The following BPHL variants were observed in gnomAD, a reference collection of about 807,000 sequenced individuals.
The protein encoded by BPHL is biphenyl hydrolase like, also known as serine hydrolase BPHL.
Under a neutral mutation model 31.2 loss-of-function variants are expected in BPHL, and 27 were observed. That is an observed-to-expected ratio of 0.87 (90% CI 0.64 to 1.19). The LOEUF (loss-of-function observed/expected upper bound fraction) is 1.19, where lower values mean the gene tolerates loss of function less well. Among genes scored for constraint, BPHL ranks in the 50% most tolerant of loss-of-function variants. The pLI is 0.00. For missense variants in BPHL, 356 were observed against 375.7 expected (o/e 0.95, Z 0.43); for synonymous variants, 150 against 146.8 (o/e 1.02, Z -0.16).
At chr6:3,131,053 C>T (rs1412952123) in intron 4 of BPHL, among the ~76,000 whole-genome samples, 1 of 152,178 alleles carries the variant, frequency 6.6e-6, no homozygotes, top group Non-Finnish European at 1.5e-5. Context: ...ATTCTCTCCA[C>T]TGGGTCAGTC....
intron 1 of BPHL, among the ~76,000 whole-genome samples, chr6:3,120,328 C>T (rs1032299181): frequency 2.6e-5 from 4 of 152,134 alleles, no homozygotes; most frequent in African/African-American, 9.7e-5. Flanking sequence ...AGCCACCGCT[C>T]TCGGCCTACC....
At chr6:3,121,532 T>C (rs1025850340) in intron 1 of BPHL, among the ~76,000 whole-genome samples, 1 of 152,050 alleles carries the variant, frequency 6.6e-6, no homozygotes, top group African/African-American at 2.4e-5. Flanking sequence ...CTTGATCTCC[T>C]GACCTCGTGA....
chr6:3,123,933 C>G, intron 2 of BPHL, 173 bp downstream of exon 2: 1 of 507,476 alleles, frequency 2.0e-6, no homozygotes, highest in Non-Finnish European at 3.4e-6. Context: ...TACTGCTGTT[C>G]AGAATTGGAT....
intron 4 of BPHL, among the ~76,000 whole-genome samples, chr6:3,130,141 G>A (rs1761833875): frequency 6.6e-6 from 1 of 152,180 alleles, no homozygotes; most frequent in East Asian, 1.9e-4. Context: ...AGGGGCCAGT[G>A]AACTTCAGCC....
intron 6 of BPHL, among the ~76,000 whole-genome samples, chr6:3,147,775 G>A (rs1257953846): frequency 2.6e-5 from 4 of 152,220 alleles, no homozygotes; most frequent in Non-Finnish European, 2.9e-5. Flanking sequence ...CTAAAGGTGT[G>A]ATTCCAGTCT....
At chr6:3,129,244 T>G (rs771596856) in intron 4 of BPHL, 46 bp downstream of exon 4, 4 of 1,496,054 alleles carry the variant, frequency 2.7e-6, no homozygotes, top group Non-Finnish European at 3.6e-6. Flanking sequence ...ATCCTTCCCC[T>G]CTCTCCGCAT....
intron 4 of BPHL, among the ~76,000 whole-genome samples, chr6:3,135,239 C>T (rs1230187441): frequency 1.3e-5 from 2 of 152,214 alleles, no homozygotes; most frequent in Non-Finnish European, 2.9e-5. Context: ...TTTTTACCAA[C>T]AAGTGTCTTT....
intron 3 of BPHL, among the ~76,000 whole-genome samples, chr6:3,127,735 C>A (rs1337318830): frequency 6.6e-6 from 1 of 152,096 alleles, no homozygotes; most frequent in Non-Finnish European, 1.5e-5. Flanking sequence ...AAATAACTTT[C>A]ATGTCAATAA....
At chr6:3,146,742 C>T (rs145318183) in intron 6 of BPHL, among the ~76,000 whole-genome samples, 6,458 of 114,662 alleles carry the variant, frequency 0.056, 632 homozygotes, top group African/African-American at 0.21. Context: ...TGGTTTGGGT[C>T]GGAGTGCTGG....
chr6:3,119,549 C>A (rs371854927), intron 1 of BPHL: 2 of 1,612,498 alleles, frequency 1.2e-6, no homozygotes, highest in Non-Finnish European at 1.7e-6. Flanking sequence ...TAATTTCTGA[C>A]CTTCTGTCTT....
intron 6 of BPHL, among the ~76,000 whole-genome samples, chr6:3,145,540 CGGTTGGAGTGCTGGTGTG>C (rs1561800109): frequency 8.7e-5 from 1 of 11,524 alleles, no homozygotes. Flanking sequence ...GTGCTGGTTC[CGGTTGGAGTGCTGGTGTG>C]GGTTGGAGTG....
In BPHL at chr6:3,153,218, A is replaced by C. The variant is rs9503411; in HGVS notation, c.*643A>C. 0.084 allele frequency: 12,917 copies of C among 153,648 alleles called. 784 individuals carry two copies. The highest frequency in any genetic ancestry group is 0.17 in the African/African-American group (6,888 of 41,506). The allele number at this position is 153,648 out of a possible 1,614,324, so 9.5% of individuals were successfully genotyped here. On this transcript the variant is annotated 3_prime_UTR_variant, in exon 7 of 7. Transcript: ENST00000380379. ...GGAGAATGTGTAGTGTTAATGTTGG[A>C]GATTTTAAGACATCTTGAATTTGTA... is the stretch of plus-strand genomic sequence containing the variant.
At chr6:3,138,184 ATT>A (rs11307799) in intron 5 of BPHL, 1 of 346,528 alleles carries the variant, frequency 2.9e-6, no homozygotes, top group Admixed American at 4.3e-5. Flanking sequence ...ACACAGGCAC[ATT>A]TTTTTTGTAT....
At chr6:3,126,117 T>C (rs903782793) in intron 2 of BPHL, among the ~76,000 whole-genome samples, 1 of 152,232 alleles carries the variant, frequency 6.6e-6, no homozygotes, top group Non-Finnish European at 1.5e-5. Context: ...TGTTTCATAC[T>C]GTTCTGATGA....
Position 3,152,562 on chromosome 6 carries a change from A to T in BPHL, c.863A>T (p.Asp288Val). ...GATGAATTCAACAAGTTAGCAGAAG[A>T]CTTCCTACAATGAGAATGCACACTC... ...FADEFNKLAE[D>V]FLQ The change falls in exon 7 of 7, where the codon GAC becomes GTC. Residue 288 changes from aspartate to valine, a missense_variant. Transcript: ENST00000380379. 1 of 1,612,806 alleles carries T rather than the reference A, an allele frequency of 6.2e-7. No individual in the cohort carries two copies. Among genetic ancestry groups the T allele is most frequent in the Admixed American group, 1.7e-5 (1 of 59,838 alleles).
intron 4 of BPHL, among the ~76,000 whole-genome samples, chr6:3,133,744 G>A (rs115501559): frequency 0.014 from 2,084 of 152,272 alleles, 44 homozygotes; most frequent in African/African-American, 0.047. Flanking sequence ...CGTGTCCACT[G>A]CCCGTGTGAG....
chr6:3,122,032 C>T (rs1205196702), intron 1 of BPHL, among the ~76,000 whole-genome samples: 1 of 152,142 alleles, frequency 6.6e-6, no homozygotes, highest in Non-Finnish European at 1.5e-5. Flanking sequence ...GTAATCCCAG[C>T]GCTTAGGGAG....
Position 3,152,584 on chromosome 6 carries a change from A to G in BPHL, c.*9A>G, listed in dbSNP as rs1423177983. On this transcript the variant is annotated 3_prime_UTR_variant, in exon 7 of 7. Coordinates refer to ENST00000380379, the MANE Select transcript of BPHL (RefSeq NM_004332.4). ...AAGACTTCCTACAATGAGAATGCAC[A>G]CTCCAGTCTTGGTGGTTCCTTCGTG... The G allele has an allele frequency of 3.1e-6, 5 of 1,603,276 alleles. No individual in the cohort carries two copies. Among genetic ancestry groups the G allele is most frequent in the African/African-American group, 1.4e-5 (1 of 73,556 alleles).
At chr6:3,121,704 C>T (rs1761579952) in intron 1 of BPHL, among the ~76,000 whole-genome samples, 1 of 152,150 alleles carries the variant, frequency 6.6e-6, no homozygotes, top group Non-Finnish European at 1.5e-5. Context: ...TCAGTATTGC[C>T]ATTGCTTGGT....
Sources: gnomAD v4.1 joint callset for allele counts (sites outside exome capture counted in the v4.1 genomes callset) on GRCh38, gnomAD v4.1.1 for gene constraint, MANE v1.5 for transcripts, NCBI Gene and HGNC (gene_info 2026-07-23, HGNC 2026-07-21) for gene names.